Variants in MLLT10 observed in about 807,000 individuals in gnomAD.
MLLT10 encodes the protein protein AF-10.
A neutral mutation model predicts 129.1 loss-of-function variants in MLLT10; 30 were observed. The ratio of observed to expected loss-of-function variants is 0.23; its 90% CI spans 0.17 to 0.32. The LOEUF is 0.32. Among genes scored for constraint, MLLT10 ranks in the 10% least tolerant of loss-of-function variants. The pLI, the probability that MLLT10 is intolerant of heterozygous loss-of-function variation, is 1.00. For synonymous variants in MLLT10, 490 were observed against 446.4 expected (o/e 1.10, Z -1.23); for missense variants, 1,119 against 1,268.3 (o/e 0.88, Z 1.79).
intron 13 of MLLT10, among the ~76,000 whole-genome samples, chr10:21,690,252 G>T (rs538542137): frequency 3.2e-4 from 49 of 152,176 alleles, no homozygotes; most frequent in Admixed American, 1.2e-3. Context: ...ATCTGGAGCA[G>T]ATGGGAAGAG....
intron 5 of MLLT10, among the ~76,000 whole-genome samples, chr10:21,596,122 GTAAT>G (rs1363185114): frequency 6.6e-6 from 1 of 151,766 alleles, no homozygotes; most frequent in Non-Finnish European, 1.5e-5. Context: ...TTTTTATTTT[GTAAT>G]TAATATTTAT....
At chr10:21,741,237 T>TC (rs2058807254) in intron 22 of MLLT10, among the ~76,000 whole-genome samples, 1 of 151,384 alleles carries the variant, frequency 6.6e-6, no homozygotes, top group African/African-American at 2.4e-5. Flanking sequence ...TGGACAGTTT[T>TC]CAGTGATTCT....
intron 3 of MLLT10, among the ~76,000 whole-genome samples, chr10:21,563,602 T>C (rs1016972875): frequency 2.6e-5 from 4 of 152,038 alleles, no homozygotes; most frequent in Non-Finnish European, 5.9e-5. Flanking sequence ...TTCCTCCAGG[T>C]TGTTGCTTAG....
rs867985433 is a variant in MLLT10, at chr10:21,603,827, G to T, written c.405+8387G>T. ...AGTGGTTGACAGTTTTTGTTTTTTT[G>T]TTTTTTTTTTTTTAATCACCCTAAT... is the stretch of plus-strand genomic sequence containing the variant. On this transcript the variant is annotated intron_variant, in intron 5 of 22. Transcript: ENST00000307729. 5.7e-3 allele frequency among the ~76,000 whole-genome samples: 816 copies of T among 142,498 alleles called. 3 individuals are homozygous for T. The highest frequency in any genetic ancestry group is 6.1e-3 in the Non-Finnish European group (396 of 65,320). 93.5% of individuals were successfully genotyped at this position (142,498 alleles called of 152,430 possible).
At chr10:21,543,764 C>T (rs769116375) in intron 3 of MLLT10, among the ~76,000 whole-genome samples, 91 of 152,232 alleles carry the variant, frequency 6.0e-4, no homozygotes, top group Non-Finnish European at 4.6e-4. Context: ...CCATTGTGAG[C>T]CACTATGCCC....
intron 2 of MLLT10, among the ~76,000 whole-genome samples, 199 bp downstream of exon 2, chr10:21,535,003 C>T (rs1194053085): frequency 1.3e-5 from 2 of 149,678 alleles, no homozygotes; most frequent in South Asian, 2.1e-4. Flanking sequence ...CATGTGATTC[C>T]GCTCTCACTC....
At chr10:21,552,811 G>A (rs1443879311) in intron 3 of MLLT10, among the ~76,000 whole-genome samples, 2 of 148,844 alleles carry the variant, frequency 1.3e-5, no homozygotes, top group Admixed American at 1.3e-4. Context: ...TCTTCTTTCC[G>A]TCTCCTCTTT....
chr10:21,674,070 A>G (rs2051796635), intron 11 of MLLT10, 151 bp downstream of exon 11: 2 of 632,522 alleles, frequency 3.2e-6, no homozygotes, highest in South Asian at 3.5e-5. Context: ...AAATTTTCTA[A>G]TGGAAAATAC....
Position 21,701,833 on chromosome 10 carries a change from C to CCAGCCT in MLLT10, c.1700-11931_1700-11926dup, listed in dbSNP as rs554471255. Among the ~76,000 whole-genome samples the CCAGCCT allele has an allele frequency of 4.6e-5, 7 of 152,298 alleles. No homozygotes were observed. In the East Asian group the frequency reaches 1.2e-3, roughly 25 times the overall value. ...CAAACTCCTGACCTCAGGCAGTCCA[C>CCAGCCT]CAGCCTCAGCCTCCCAAAGTGCTGG... On this transcript the variant is annotated intron_variant, in intron 13 of 22. Coordinates refer to ENST00000307729, the MANE Select transcript of MLLT10 (RefSeq NM_001195626.3).
intron 9 of MLLT10, among the ~76,000 whole-genome samples, chr10:21,665,099 C>T (rs1365747302): frequency 4.0e-5 from 6 of 151,636 alleles, no homozygotes; most frequent in Non-Finnish European, 5.9e-5. Flanking sequence ...GTGTGCATCA[C>T]CATGCCTGGC....
At chr10:21,623,316 G>A (rs1404805029) in intron 8 of MLLT10, among the ~76,000 whole-genome samples, 3 of 152,144 alleles carry the variant, frequency 2.0e-5, no homozygotes, top group Non-Finnish European at 4.4e-5. Context: ...GGTGATCAGC[G>A]TCTATCCTCC....
At chr10:21,601,476 A>G (rs751807828) in intron 5 of MLLT10, among the ~76,000 whole-genome samples, 16 of 152,154 alleles carry the variant, frequency 1.1e-4, no homozygotes, top group Non-Finnish European at 1.5e-5. Context: ...TGAGATTAAA[A>G]TCTGTAATCT....
At chr10:21,627,216 C>T (rs2046543400) in intron 8 of MLLT10, among the ~76,000 whole-genome samples, 2 of 152,134 alleles carry the variant, frequency 1.3e-5, no homozygotes, top group South Asian at 4.1e-4. Flanking sequence ...TCTCTTTCTC[C>T]TCTACTCTCT....
chr10:21,604,214 A>G (rs1475755541), intron 5 of MLLT10, among the ~76,000 whole-genome samples: 2 of 152,200 alleles, frequency 1.3e-5, no homozygotes, highest in East Asian at 1.9e-4. Context: ...TCTTACCTGA[A>G]TATAATAAAC....
intron 4 of MLLT10, among the ~76,000 whole-genome samples, chr10:21,587,823 T>C (rs1564461861): frequency 6.6e-6 from 1 of 152,206 alleles, no homozygotes; most frequent in Non-Finnish European, 1.5e-5. Context: ...TTTAAAAATA[T>C]GTTGAAAACT....
chr10:21,645,277 T>A (rs2048370823), intron 8 of MLLT10, among the ~76,000 whole-genome samples: 1 of 152,196 alleles, frequency 6.6e-6, no homozygotes, highest in Non-Finnish European at 1.5e-5. Context: ...TTTGGTTGCT[T>A]TTGGGGATCA....
intron 14 of MLLT10, among the ~76,000 whole-genome samples, chr10:21,725,886 G>C (rs4634988): frequency 0.012 from 1,862 of 151,552 alleles, 34 homozygotes; most frequent in African/African-American, 0.042. Context: ...GAGTAGCTGG[G>C]ACTACAGGCG....
At chr10:21,631,313 C>CAAAAAAAAAAA (rs991306894) in intron 8 of MLLT10, among the ~76,000 whole-genome samples, 6 of 47,764 alleles carry the variant, frequency 1.3e-4, no homozygotes, top group African/African-American at 1.4e-4. Flanking sequence ...GACTCCGTCT[C>CAAAAAAAAAAA]AAAAAAAAAA....
chr10:21,609,301 C>A (rs1424536984), intron 5 of MLLT10, among the ~76,000 whole-genome samples: 1 of 152,172 alleles, frequency 6.6e-6, no homozygotes, highest in Non-Finnish European at 1.5e-5. Context: ...ATTTTCCAAT[C>A]ATTTCTTAGA....
Sources: allele counts gnomAD v4.1 joint callset (sites outside exome capture counted in the v4.1 genomes callset), GRCh38; gene constraint gnomAD v4.1.1; transcripts MANE v1.5; gene names NCBI Gene and HGNC (gene_info 2026-07-23, HGNC 2026-07-21).